Variants in IL1RAPL2 observed in about 807,000 individuals in gnomAD.
IL1RAPL2 encodes interleukin 1 receptor accessory protein like 2.
IL1RAPL2 carries 3 observed loss-of-function variants against 44.1 expected under a neutral mutation model. The observed-to-expected ratio is 0.07, with a 90% CI of 0.03 to 0.18. The LOEUF is 0.18. Ranked by LOEUF, IL1RAPL2 falls within the 10% of genes least tolerant of loss-of-function variation. The probability of loss-of-function intolerance (pLI) is 1.00; values close to 1 mark genes in which losing one functional copy is unlikely to be tolerated. For missense variants in IL1RAPL2, 391 were observed against 496.4 expected, an observed-to-expected ratio of 0.79 and a Z score of 2.02; for synonymous variants, 181 against 178.8, an observed-to-expected ratio of 1.01 and a Z score of -0.10.
At chrX:104,891,910 A>G (rs1025066436) in intron 2 of IL1RAPL2, among the ~76,000 whole-genome samples, 3 of 111,637 alleles carry the variant, frequency 2.7e-5, no homozygotes, top group African/African-American at 9.8e-5. Flanking sequence ...TTGCCCATTC[A>G]GTATGATATT....
intron 2 of IL1RAPL2, among the ~76,000 whole-genome samples, chrX:104,797,070 G>A (rs745353981): frequency 9.2e-6 from 1 of 108,998 alleles, no homozygotes; most frequent in African/African-American, 3.3e-5. Context: ...ACCACGTCTG[G>A]CATTGTTCTT....
intron 2 of IL1RAPL2, among the ~76,000 whole-genome samples, chrX:105,130,888 A>G (rs2033019805): frequency 9.0e-6 from 1 of 111,525 alleles, no homozygotes; most frequent in Admixed American, 9.6e-5. Flanking sequence ...GCCTGTCATG[A>G]GTCCTCTAAT....
intron 2 of IL1RAPL2, among the ~76,000 whole-genome samples, chrX:104,938,909 ATTACT>A (rs907107752): frequency 2.7e-5 from 3 of 111,944 alleles, no homozygotes; most frequent in African/African-American, 9.7e-5. Context: ...GAATGTAGTC[ATTACT>A]TTACATCAGT....
Position 105,767,297 on chromosome X carries a change from G to C in IL1RAPL2, c.1697G>C (p.Arg566Pro). 8.3e-7 allele frequency: 1 copy of C among 1,210,944 alleles called. No individual in the cohort carries two copies. The highest frequency in any genetic ancestry group is 1.1e-6 in the Non-Finnish European group (1 of 894,779). Residue 566 changes from arginine to proline, a missense_variant, in exon 11 of 11, where the codon CGG becomes CCG. Around this residue, in one of 2 missense-constraint regions of IL1RAPL2, gnomAD observed 232 missense variants for 244.8 expected, o/e 0.95. Coordinates refer to ENST00000372582, the MANE Select transcript of IL1RAPL2 (RefSeq NM_017416.2). ...ATCAAGAAAAAAGAAATGCTACCTC[G>C]GTGCCATGTTCTGGACTCCGCAGAA... ...MPIKKKEMLP[R>P]CHVLDSAEQG...
chrX:105,749,096 T>A lies in IL1RAPL2; in HGVS notation c.1185T>A (p.Thr395=), dbSNP rs746151832. 1 of 1,205,951 alleles carries A rather than the reference T, an allele frequency of 8.3e-7. No individual in the cohort carries two copies. The highest frequency in any genetic ancestry group is 1.1e-6 in the Non-Finnish European group (1 of 891,873). ...FYRQHFGADE[T]NDDNKEYDAY... is the part of the protein sequence containing the mutation. ...GGCAGCACTTTGGAGCTGATGAAAC[T>A]AATGATGGTAAGCTGTCTTCTATTG... is the stretch of plus-strand genomic sequence containing the variant. Residue 395 remains threonine, a synonymous_variant, in exon 9 of 11, where the codon ACT becomes ACA. Coordinates refer to ENST00000372582, the MANE Select transcript of IL1RAPL2 (RefSeq NM_017416.2).
chrX:105,074,892 G>A (rs1029145706), intron 2 of IL1RAPL2, among the ~76,000 whole-genome samples: 11 of 110,918 alleles, frequency 9.9e-5, no homozygotes, highest in South Asian at 3.8e-4. Context: ...CATTGATTTT[G>A]TAACCTGAGA....
chrX:105,448,580 G>T (rs1256508881), intron 5 of IL1RAPL2, among the ~76,000 whole-genome samples: 1 of 110,439 alleles, frequency 9.1e-6, no homozygotes, highest in East Asian at 2.9e-4. Flanking sequence ...GGCCAGGCTG[G>T]TCTCAAACTG....
rs1921270229 is a variant in IL1RAPL2, at chrX:104,820,456, G to A, written c.82+161461G>A. On this transcript the variant is annotated intron_variant, in intron 2 of 10. Transcript: ENST00000372582. ...CTTGCTTGATTTAATTTATTATCTT[G>A]TCTCAACTGCTGATTCAGCTTTGCC... Among the ~76,000 whole-genome samples the A allele has an allele frequency of 2.7e-5, 3 of 110,944 alleles. No individual in the cohort carries two copies. The Admixed American group carries it at 2.9e-4, about 11-fold the overall frequency.
chrX:105,718,392 T>C (rs1056150411), intron 7 of IL1RAPL2, among the ~76,000 whole-genome samples: 15 of 112,132 alleles, frequency 1.3e-4, no homozygotes, highest in Admixed American at 1.1e-3. Context: ...ATTACTCTCA[T>C]GACAGTTTCT....
At chrX:105,039,239 A>C (rs1354687988) in intron 2 of IL1RAPL2, among the ~76,000 whole-genome samples, 3 of 112,059 alleles carry the variant, frequency 2.7e-5, no homozygotes, top group African/African-American at 9.7e-5. Flanking sequence ...ATGAAGTTAA[A>C]TTTTAAGAAC....
At chrX:105,012,978 G>T (rs1174429056) in intron 2 of IL1RAPL2, among the ~76,000 whole-genome samples, 1 of 110,630 alleles carries the variant, frequency 9.0e-6, no homozygotes, top group Non-Finnish European at 1.9e-5. Context: ...TTCTCAAAGT[G>T]TGGCCAGGTA....
At chrX:104,917,410 T>A (rs988551497) in intron 2 of IL1RAPL2, among the ~76,000 whole-genome samples, 1 of 112,159 alleles carries the variant, frequency 8.9e-6, no homozygotes, top group African/African-American at 3.2e-5. Flanking sequence ...AGAAGATTCC[T>A]TAGGTCAAAT....
At position 105,368,533 on chromosome X, in the gene IL1RAPL2, G is replaced by A. The variant is rs192177851; in HGVS notation, c.697+100992G>A. On this transcript the variant is annotated intron_variant, in intron 5 of 10. Coordinates refer to ENST00000372582, the MANE Select transcript of IL1RAPL2 (RefSeq NM_017416.2). Reference sequence around the variant, plus strand: ...ATTCCCTCTGGCCTGCAGGGGTTCTGTTGAAAAAATCTGCTGGTAATCTTA... The same window carrying A: ...ATTCCCTCTGGCCTGCAGGGGTTCTATTGAAAAAATCTGCTGGTAATCTTA... Among the ~76,000 whole-genome samples the A allele has an allele frequency of 5.4e-5, 6 of 111,497 alleles. No individual in the cohort carries two copies. The East Asian group carries it at 1.7e-3, about 32-fold the overall frequency.
chrX:105,624,149 C>T (rs2037438143), intron 6 of IL1RAPL2, among the ~76,000 whole-genome samples: 1 of 111,087 alleles, frequency 9.0e-6, no homozygotes, highest in Non-Finnish European at 1.9e-5. Flanking sequence ...AAAAAGAAGG[C>T]CATTGTGGCT....
intron 2 of IL1RAPL2, among the ~76,000 whole-genome samples, chrX:105,057,373 T>G (rs1344181561): frequency 8.9e-6 from 1 of 111,928 alleles, no homozygotes; most frequent in Non-Finnish European, 1.9e-5. Flanking sequence ...CAGTGACATG[T>G]GTATGTTTGG....
At chrX:105,084,011 T>A (rs1267721749) in intron 2 of IL1RAPL2, among the ~76,000 whole-genome samples, 1 of 112,352 alleles carries the variant, frequency 8.9e-6, no homozygotes, top group African/African-American at 3.2e-5. Context: ...AACTTCCACA[T>A]GGTGTTGGGC....
chrX:105,310,373 A>ACAG (rs2034787935), intron 5 of IL1RAPL2, among the ~76,000 whole-genome samples: 1 of 111,148 alleles, frequency 9.0e-6, no homozygotes, highest in Admixed American at 9.6e-5. Flanking sequence ...AAGTCTTGCT[A>ACAG]CAGCATTATC....
intron 2 of IL1RAPL2, among the ~76,000 whole-genome samples, chrX:104,903,247 GTCA>G (rs1923869442): frequency 8.9e-6 from 1 of 112,119 alleles, no homozygotes; most frequent in Non-Finnish European, 1.9e-5. Flanking sequence ...TTCATCAAAT[GTCA>G]TCAGCTGAAT....
chrX:104,960,301 C>A (rs1401043096), intron 2 of IL1RAPL2, among the ~76,000 whole-genome samples: 1 of 111,665 alleles, frequency 9.0e-6, no homozygotes, highest in Non-Finnish European at 1.9e-5. Context: ...AATAATCATC[C>A]AAAAAATGAT....
Sources: allele counts gnomAD v4.1 joint callset (sites outside exome capture counted in the v4.1 genomes callset), GRCh38; gene constraint gnomAD v4.1.1; regional missense constraint gnomAD v4.1.1; transcripts MANE v1.5; gene names NCBI Gene and HGNC (gene_info 2026-07-23, HGNC 2026-07-21).